The following ZC3H12B variants were observed in gnomAD, a reference collection of about 807,000 sequenced individuals.
ZC3H12B encodes zinc finger CCCH-type containing 12B.
Under a neutral mutation model 43.9 loss-of-function variants are expected in ZC3H12B, and 7 were observed. The ratio of observed to expected loss-of-function variants is 0.16; its 90% confidence interval spans 0.09 to 0.30. The LOEUF is 0.30. Among genes scored for constraint, ZC3H12B ranks in the 10% least tolerant of loss-of-function variants. ZC3H12B has a pLI of 1.00. For synonymous variants in ZC3H12B, 222 were observed against 241.7 expected, an observed-to-expected ratio of 0.92 and a Z score of 0.76; for missense variants, 475 against 670.2, an observed-to-expected ratio of 0.71 and a Z score of 3.22.
chrX:65,374,270 CTATATATATA>C (rs57169099), intron 2 of ZC3H12B, among the ~76,000 whole-genome samples: 1 of 78,805 alleles, frequency 1.3e-5, no homozygotes, highest in African/African-American at 5.1e-5. Context: ...GTAATATATA[CTATATATATA>C]TATATATATA....
the ZC3H12B span, among the ~76,000 whole-genome samples, chrX:65,333,862 C>T: frequency 1.8e-5 from 2 of 111,720 alleles, no homozygotes; most frequent in African/African-American, 6.5e-5. Flanking sequence ...TAGCATACAA[C>T]AATTTTACAC....
the ZC3H12B span, among the ~76,000 whole-genome samples, chrX:65,177,053 A>T: frequency 8.9e-6 from 1 of 112,439 alleles, no homozygotes; most frequent in Non-Finnish European, 1.9e-5. Context: ...AACCAAATCC[A>T]GCAGCACATT....
At chrX:65,456,899 G>A (rs369554924) in intron 3 of ZC3H12B, among the ~76,000 whole-genome samples, 15 of 107,851 alleles carry the variant, frequency 1.4e-4, no homozygotes, top group Admixed American at 9.8e-4. Flanking sequence ...CTGCCTGGCC[G>A]CCCATCGTCT....
the ZC3H12B span, among the ~76,000 whole-genome samples, chrX:65,100,581 A>C: frequency 9.8e-6 from 1 of 101,740 alleles, no homozygotes; most frequent in Non-Finnish European, 2.0e-5. Context: ...AAAAAAAAAA[A>C]AAAAAAAAAA....
chrX:65,286,623 A>G, the ZC3H12B span, among the ~76,000 whole-genome samples: 1 of 111,322 alleles, frequency 9.0e-6, no homozygotes, highest in South Asian at 3.8e-4. Flanking sequence ...ACACGTATAT[A>G]ATACATACCT....
At chrX:65,330,065 G>GT in the ZC3H12B span, among the ~76,000 whole-genome samples, 158 of 111,677 alleles carry the variant, frequency 1.4e-3, 1 homozygote, top group Middle Eastern at 4.7e-3. Flanking sequence ...CTTTAAAGTA[G>GT]TTTTTTCCAA....
rs184741639 is a variant in ZC3H12B at position 65,372,794 on chromosome X, G to A, written n.295+3796G>A. 3.6e-5 allele frequency among the ~76,000 whole-genome samples: 4 copies of A among 112,488 alleles called. No individual in the cohort carries two copies. In the East Asian group the frequency reaches 1.1e-3, roughly 31 times the overall value. On this transcript the variant is annotated intron_variant and non_coding_transcript_variant, in intron 2 of 5. Coordinates refer to the ZC3H12B transcript ENST00000617377. ...AACCTGTATAAAATCACACAAGTAT[G>A]CATCAAGGTCAGATAGGAATCAAAT...
At chrX:65,212,026 A>G in the ZC3H12B span, among the ~76,000 whole-genome samples, 6 of 66,766 alleles carry the variant, frequency 9.0e-5, no homozygotes, top group East Asian at 2.6e-3. Context: ...TATAATATAT[A>G]TGTTATGTAT....
At chrX:65,459,362 C>A (rs1211073143) in intron 3 of ZC3H12B, among the ~76,000 whole-genome samples, 1 of 111,852 alleles carries the variant, frequency 8.9e-6, no homozygotes, top group African/African-American at 3.3e-5. Context: ...TTTTATGAGG[C>A]CAGCATCATC....
chrX:65,498,317 C>G (rs1355805398), intron 2 of ZC3H12B, among the ~76,000 whole-genome samples: 7 of 111,942 alleles, frequency 6.3e-5, no homozygotes, highest in African/African-American at 2.3e-4. Context: ...TCATTTACAA[C>G]AGTCTTCTGA....
chrX:65,282,673 C>A, the ZC3H12B span, among the ~76,000 whole-genome samples: 1 of 111,347 alleles, frequency 9.0e-6, no homozygotes, highest in African/African-American at 3.3e-5. Flanking sequence ...TACAAACTAC[C>A]ATCAGAGAAT....
At chrX:65,103,335 C>G in the ZC3H12B span, among the ~76,000 whole-genome samples, 2 of 112,040 alleles carry the variant, frequency 1.8e-5, no homozygotes, top group African/African-American at 6.5e-5. Flanking sequence ...CCGCCCGGCT[C>G]TCAGGCAGTC....
the ZC3H12B span, among the ~76,000 whole-genome samples, chrX:65,072,341 C>A: frequency 8.9e-6 from 1 of 112,236 alleles, no homozygotes; most frequent in Non-Finnish European, 1.9e-5. Flanking sequence ...TTTTGCCTAT[C>A]AGTTTCTGTA....
the ZC3H12B span, among the ~76,000 whole-genome samples, chrX:65,198,268 T>C: frequency 1.8e-5 from 2 of 112,487 alleles, no homozygotes; most frequent in African/African-American, 6.5e-5. Context: ...ATGAATAGTT[T>C]ACACATTATA....
chrX:65,088,723 T>C, the ZC3H12B span, among the ~76,000 whole-genome samples: 2 of 111,785 alleles, frequency 1.8e-5, no homozygotes. Flanking sequence ...TTCTACCTGA[T>C]AATCCTTCAG....
At chrX:65,192,084 G>T in the ZC3H12B span, among the ~76,000 whole-genome samples, 1 of 110,289 alleles carries the variant, frequency 9.1e-6, no homozygotes, top group Non-Finnish European at 1.9e-5. Context: ...GGAGCAGGTT[G>T]TTCAGTTTCC....
At chrX:65,453,732 C>A (rs1446436396) in intron 3 of ZC3H12B, among the ~76,000 whole-genome samples, 2 of 109,459 alleles carry the variant, frequency 1.8e-5, no homozygotes, top group African/African-American at 6.7e-5. Flanking sequence ...ATGTCACACA[C>A]ACACAAAAAG....
At chrX:65,240,834 C>T in the ZC3H12B span, among the ~76,000 whole-genome samples, 1 of 111,832 alleles carries the variant, frequency 8.9e-6, no homozygotes, top group African/African-American at 3.2e-5. Flanking sequence ...CTATAGGGCT[C>T]TTGTGTTTTG....
chrX:65,374,660 C>A (rs1035961446), intron 2 of ZC3H12B, among the ~76,000 whole-genome samples: 5 of 110,530 alleles, frequency 4.5e-5, no homozygotes, highest in Admixed American at 9.7e-5. Context: ...TCCACTCTCG[C>A]ACTGCTATAA....
Sources: gnomAD v4.1 joint callset for allele counts (sites outside exome capture counted in the v4.1 genomes callset) on GRCh38, gnomAD v4.1.1 for gene constraint, MANE v1.5 for transcripts, NCBI Gene and HGNC (gene_info 2026-07-23, HGNC 2026-07-21) for gene names.